Variants in GSKIP observed in about 807,000 individuals in gnomAD.
The protein encoded by GSKIP is GSK3B interacting protein.
GSKIP carries 5 observed loss-of-function variants against 11.9 expected under a neutral mutation model. The observed-to-expected ratio is 0.42, with a 90% CI of 0.22 to 0.89. The LOEUF is 0.89. Among genes scored for constraint, GSKIP ranks in the 40% least tolerant of loss-of-function variants. The probability of loss-of-function intolerance (pLI) is 0.29; values close to 1 mark genes in which losing one functional copy is unlikely to be tolerated. For missense variants in GSKIP, 150 were observed against 166.6 expected, an observed-to-expected ratio of 0.90 and a Z score of 0.55; for synonymous variants, 70 against 62.9, an observed-to-expected ratio of 1.11 and a Z score of -0.54.
intron 1 of GSKIP, among the ~76,000 whole-genome samples, chr14:96,371,750 A>G (rs1183402572): frequency 6.6e-6 from 1 of 151,998 alleles, no homozygotes; most frequent in Admixed American, 6.6e-5. Flanking sequence ...CCCAGCCAAA[A>G]CTATCAACAA....
chr14:96,379,300 T>C (rs945632293), intron 1 of GSKIP, among the ~76,000 whole-genome samples: 1 of 152,146 alleles, frequency 6.6e-6, no homozygotes, highest in Admixed American at 6.5e-5. Flanking sequence ...CGAGACTCTG[T>C]CTCAAAAAAG....
intron 3 of GSKIP, among the ~76,000 whole-genome samples, chr14:96,385,096 C>T (rs760281350): frequency 4.0e-5 from 6 of 151,540 alleles, no homozygotes; most frequent in Non-Finnish European, 8.8e-5. Context: ...GATATATTAC[C>T]TATTATAGTA....
chr14:96,376,387 T>C (rs1889204187), intron 1 of GSKIP, among the ~76,000 whole-genome samples: 1 of 152,196 alleles, frequency 6.6e-6, no homozygotes, highest in African/African-American at 2.4e-5. Flanking sequence ...ACCTTTTTGC[T>C]TATTTATAAC....
intron 1 of GSKIP, among the ~76,000 whole-genome samples, chr14:96,376,028 G>A (rs768124639): frequency 2.7e-4 from 41 of 152,206 alleles, no homozygotes; most frequent in African/African-American, 8.9e-4. Flanking sequence ...GTGCTGCCAC[G>A]TTGCATTGGA....
chr14:96,375,324 C>T (rs1388927742), intron 1 of GSKIP, among the ~76,000 whole-genome samples: 1 of 152,026 alleles, frequency 6.6e-6, no homozygotes, highest in Non-Finnish European at 1.5e-5. Context: ...TCAATAATTA[C>T]AGTAATCAAA....
At chr14:96,382,975 G>A (rs1349145144) in intron 3 of GSKIP, among the ~76,000 whole-genome samples, 1 of 152,130 alleles carries the variant, frequency 6.6e-6, no homozygotes, top group African/African-American at 2.4e-5. Context: ...ATTTCCAAGA[G>A]TGTCCCATTA....
chr14:96,368,511 C>A (rs1316412497), intron 1 of GSKIP, among the ~76,000 whole-genome samples: 1 of 152,146 alleles, frequency 6.6e-6, no homozygotes, highest in African/African-American at 2.4e-5. Flanking sequence ...CTCAAATTAA[C>A]CCTGTGTATT....
At chr14:96,379,603 C>G (rs1889293007) in intron 1 of GSKIP, 85 bp from the exon 2 acceptor site, 2 of 152,240 alleles carry the variant, frequency 1.3e-5, no homozygotes, top group African/African-American at 4.8e-5. Context: ...ATCAAAAGTT[C>G]TAAATTGTAT....
At chr14:96,381,120 C>G (rs773212843) in intron 2 of GSKIP, among the ~76,000 whole-genome samples, 1 of 152,184 alleles carries the variant, frequency 6.6e-6, no homozygotes, top group African/African-American at 2.4e-5. Context: ...TTCTGTAAAG[C>G]CTTTTGTACA....
At chr14:96,373,299 G>C (rs1566743336) in intron 1 of GSKIP, among the ~76,000 whole-genome samples, 2 of 148,306 alleles carry the variant, frequency 1.3e-5, no homozygotes, top group East Asian at 4.1e-4. Flanking sequence ...GAGGTGATAT[G>C]AAAATTATAC....
chr14:96,367,307 G>A (rs1233702070), intron 1 of GSKIP, among the ~76,000 whole-genome samples: 1 of 152,102 alleles, frequency 6.6e-6, no homozygotes, highest in Non-Finnish European at 1.5e-5. Flanking sequence ...TAAATTAAGT[G>A]GCCAAGCTAA....
intron 3 of GSKIP, 83 bp downstream of exon 3, chr14:96,382,588 A>T: frequency 2.1e-6 from 2 of 967,020 alleles, no homozygotes; most frequent in South Asian, 2.1e-5. Context: ...GGAGGGGAAG[A>T]GTGTTAAAAG....
intron 1 of GSKIP, among the ~76,000 whole-genome samples, chr14:96,372,655 G>A (rs138886937): frequency 3.0e-4 from 46 of 152,302 alleles, no homozygotes; most frequent in African/African-American, 8.7e-4. Flanking sequence ...TCCCTGAGAA[G>A]CATCATACAA....
At chr14:96,382,606 G>C (rs139436089) in intron 3 of GSKIP, 101 bp downstream of exon 3, 2 of 713,912 alleles carry the variant, frequency 2.8e-6, no homozygotes, top group East Asian at 6.2e-5. Flanking sequence ...AAGAGAACTG[G>C]ATATTCAGTA....
chr14:96,384,054 TA>T (rs1033349664), intron 3 of GSKIP, among the ~76,000 whole-genome samples: 6 of 151,954 alleles, frequency 3.9e-5, no homozygotes, highest in African/African-American at 9.7e-5. Context: ...CTTGGAGATT[TA>T]AAAAAAACTT....
intron 1 of GSKIP, among the ~76,000 whole-genome samples, chr14:96,376,810 A>G (rs953297868): frequency 1.3e-5 from 2 of 152,246 alleles, no homozygotes; most frequent in African/African-American, 4.8e-5. Flanking sequence ...AGTGCTTAAA[A>G]AAAAGTCGGC....
intron 2 of GSKIP, among the ~76,000 whole-genome samples, chr14:96,380,924 G>C (rs1297894313): frequency 6.6e-6 from 1 of 152,158 alleles, no homozygotes; most frequent in Non-Finnish European, 1.5e-5. Flanking sequence ...GTGTGGTGAG[G>C]GGGTGGGACT....
chr14:96,367,881 T>G (rs1212047603), intron 1 of GSKIP, among the ~76,000 whole-genome samples: 1 of 152,228 alleles, frequency 6.6e-6, no homozygotes, highest in Non-Finnish European at 1.5e-5. Flanking sequence ...ATTCCAATTT[T>G]TGTCTCTTTG....
chr14:96,366,779 G>T (rs1050954156), intron 1 of GSKIP, among the ~76,000 whole-genome samples: 12 of 152,296 alleles, frequency 7.9e-5, no homozygotes, highest in African/African-American at 2.9e-4. Flanking sequence ...ACCGAATATT[G>T]TCAGCTTATT....
Sources: allele counts gnomAD v4.1 joint callset (sites outside exome capture counted in the v4.1 genomes callset), GRCh38; gene constraint gnomAD v4.1.1; transcripts MANE v1.5; gene names NCBI Gene and HGNC (gene_info 2026-07-23, HGNC 2026-07-21).